ACOT12: variants seen among roughly 807,000 people sequenced by gnomAD.
ACOT12 encodes acetyl-coenzyme A thioesterase.
In ACOT12, 51 loss-of-function variants were observed where a neutral mutation model predicts 67.7. The observed-to-expected ratio is 0.75, with a 90% CI of 0.60 to 0.95. The LOEUF is 0.95. Among genes scored for constraint, ACOT12 ranks in the 40% least tolerant of loss-of-function variants. The pLI is 0.00. For missense variants in ACOT12, 734 were observed against 708.1 expected (o/e 1.04, Z -0.41); for synonymous variants, 251 against 244.6 (o/e 1.03, Z -0.24).
chr5:81,385,659 T>C, intron 2 of ACOT12, 98 bp downstream of exon 2: 1 of 1,097,410 alleles, frequency 9.1e-7, no homozygotes, highest in Admixed American at 2.1e-5. Context: ...AGAAACAAGA[T>C]CACTACCTCT....
chr5:81,330,724 A>G (rs1758790036), intron 14 of ACOT12, 90 bp downstream of exon 14: 2 of 1,553,612 alleles, frequency 1.3e-6, no homozygotes, highest in African/African-American at 2.7e-5. Context: ...AAATTACAAG[A>G]TTACAATTAA....
intron 13 of ACOT12, among the ~76,000 whole-genome samples, chr5:81,332,069 A>G (rs995570776): frequency 3.3e-5 from 5 of 152,242 alleles, no homozygotes; most frequent in African/African-American, 1.2e-4. Context: ...TGGAAAAACT[A>G]TGTCTGGATA....
At chr5:81,346,731 A>G (rs1759392845) in intron 6 of ACOT12, among the ~76,000 whole-genome samples, 1 of 152,220 alleles carries the variant, frequency 6.6e-6, no homozygotes, top group Non-Finnish European at 1.5e-5. Flanking sequence ...CATTTTAAAA[A>G]CAAGCTCTCT....
At chr5:81,323,726 G>C in the ACOT12 span, among the ~76,000 whole-genome samples, 1 of 151,770 alleles carries the variant, frequency 6.6e-6, no homozygotes, top group Non-Finnish European at 1.5e-5. Flanking sequence ...GTTTTGAGGA[G>C]AAATGTGACA....
intron 3 of ACOT12, among the ~76,000 whole-genome samples, chr5:81,366,133 A>C (rs1760069983): frequency 6.6e-6 from 1 of 152,250 alleles, no homozygotes; most frequent in Non-Finnish European, 1.5e-5. Flanking sequence ...AGAGGGGCTA[A>C]AGTAGCCCTA....
intron 3 of ACOT12, among the ~76,000 whole-genome samples, chr5:81,368,448 T>C (rs1760148246): frequency 6.6e-6 from 1 of 152,052 alleles, no homozygotes; most frequent in Admixed American, 6.6e-5. Flanking sequence ...TTTGGGTCAT[T>C]AAAAAAGTCT....
chr5:81,370,881 C>T (rs980826897), intron 3 of ACOT12, among the ~76,000 whole-genome samples: 1 of 152,112 alleles, frequency 6.6e-6, no homozygotes, highest in African/African-American at 2.4e-5. Flanking sequence ...ATATGAGATC[C>T]AGCAACTCCT....
intron 2 of ACOT12, among the ~76,000 whole-genome samples, chr5:81,379,758 C>T (rs760977737): frequency 1.3e-5 from 2 of 152,176 alleles, no homozygotes; most frequent in Non-Finnish European, 2.9e-5. Flanking sequence ...TTCAGATATA[C>T]ATATCTCACT....
At chr5:81,356,419 T>C (rs937719415) in intron 5 of ACOT12, among the ~76,000 whole-genome samples, 1 of 152,144 alleles carries the variant, frequency 6.6e-6, no homozygotes, top group Non-Finnish European at 1.5e-5. Flanking sequence ...TCTTTCTGGA[T>C]CCTCTCTTAG....
At chr5:81,354,642 A>G (rs866160416) in intron 5 of ACOT12, among the ~76,000 whole-genome samples, 1 of 152,212 alleles carries the variant, frequency 6.6e-6, no homozygotes, top group Non-Finnish European at 1.5e-5. Context: ...CAGATTTGAC[A>G]CGAATTATCT....
rs796573267 is a variant in ACOT12, at chr5:81,360,175, CATGTT to C, written c.361-142_361-138del. On this transcript the variant is annotated intron_variant, in intron 4 of 14. Transcript: ENST00000307624. ...AGCTTTTATGAGTGTTTTCACTAAA[CATGTT>C]ATGACTAAATTTTTTCTTAAATTAT... is the stretch of plus-strand genomic sequence containing the variant. 21 of 769,440 alleles carry C rather than the reference CATGTT, an allele frequency of 2.7e-5. No individual in the cohort carries two copies. In the African/African-American group the frequency reaches 3.5e-4, roughly 13 times the overall value. 47.7% of individuals were successfully genotyped at this position (769,440 alleles called of 1,614,324 possible). A position where few individuals can be genotyped will look rare whatever the true frequency, so the allele number is the denominator to read the frequency against.
chr5:81,378,863 C>T (rs550353007), intron 2 of ACOT12, among the ~76,000 whole-genome samples: 26 of 151,850 alleles, frequency 1.7e-4, no homozygotes, highest in Non-Finnish European at 3.4e-4. Context: ...GGGGAAATAA[C>T]GCTTTTACAT....
the ACOT12 span, among the ~76,000 whole-genome samples, chr5:81,310,947 G>C: frequency 6.6e-6 from 1 of 152,180 alleles, no homozygotes; most frequent in Non-Finnish European, 1.5e-5. Context: ...TTGAACAAGT[G>C]CCTTCCATCA....
chr5:81,335,328 C>T (rs574641616), intron 12 of ACOT12, among the ~76,000 whole-genome samples: 57 of 152,256 alleles, frequency 3.7e-4, no homozygotes, highest in African/African-American at 1.3e-3. Flanking sequence ...TTGTGTCTCT[C>T]AATATCACCT....
chr5:81,318,401 A>G, the ACOT12 span, among the ~76,000 whole-genome samples: 1 of 152,150 alleles, frequency 6.6e-6, no homozygotes, highest in Non-Finnish European at 1.5e-5. Context: ...ATCCTTATGT[A>G]TATCCTTATG....
chr5:81,385,123 A>C (rs1389641852), intron 2 of ACOT12, among the ~76,000 whole-genome samples: 1 of 152,142 alleles, frequency 6.6e-6, no homozygotes, highest in Admixed American at 6.6e-5. Context: ...ATCATTAATT[A>C]TTCTTCTAGT....
At chr5:81,360,070 C>T (rs1158587033) in intron 4 of ACOT12, 32 bp from the exon 5 acceptor site, 1 of 1,578,230 alleles carries the variant, frequency 6.3e-7, no homozygotes, top group Non-Finnish European at 8.6e-7. Context: ...TCTTTTATTG[C>T]CTTGTTAAAT....
chr5:81,342,906 G>T, intron 10 of ACOT12, 151 bp from the exon 11 acceptor site: 4 of 803,316 alleles, frequency 5.0e-6, no homozygotes, highest in Non-Finnish European at 7.9e-6. Flanking sequence ...TACAGGCCAG[G>T]TGAAGTGGCT....
the ACOT12 span, among the ~76,000 whole-genome samples, chr5:81,316,728 C>G: frequency 1.3e-5 from 2 of 152,138 alleles, no homozygotes; most frequent in Admixed American, 1.3e-4. Context: ...GATTTTGTTT[C>G]TCCTTTTTAT....
Sources: gnomAD v4.1 joint callset for allele counts (sites outside exome capture counted in the v4.1 genomes callset) on GRCh38, gnomAD v4.1.1 for gene constraint, MANE v1.5 for transcripts, NCBI Gene and HGNC (gene_info 2026-07-23, HGNC 2026-07-21) for gene names.